Variants in MYCBP observed in about 807,000 individuals in gnomAD.
MYCBP encodes the protein MYC binding protein, also known as C-Myc-binding protein.
Under a neutral mutation model 16.8 loss-of-function variants are expected in MYCBP, and 5 were observed. The ratio of observed to expected loss-of-function variants is 0.30; its 90% CI spans 0.16 to 0.63. MYCBP has a LOEUF of 0.63. MYCBP is among the 20% of genes least tolerant of loss of function. MYCBP has a pLI of 0.83. For synonymous variants in MYCBP, 35 were observed against 43.7 expected (o/e 0.80, Z 0.79); for missense variants, 103 against 121.8 (o/e 0.85, Z 0.73).
rs116600579 is a variant in MYCBP, at chr1:38,873,335, C to G, written c.-30G>C. 3,677 of 1,598,530 alleles carry G rather than the reference C, an allele frequency of 2.3e-3. 81 individuals are homozygous for G. The African/African-American group carries it at 0.044, about 19-fold the overall frequency. The stretch of plus-strand genomic sequence containing the variant: ...ACAGCGGCAGCGGCGTAGCTGGCGC[C>G]GGAGACCGCGACTGGCGGGTTGGGA... On this transcript the variant is annotated 5_prime_UTR_variant, in exon 1 of 5. Transcript: ENST00000397572.
chr1:38,867,456 A>G, intron 3 of MYCBP, 106 bp downstream of exon 3: 1 of 1,065,188 alleles, frequency 9.4e-7, no homozygotes, highest in Non-Finnish European at 1.4e-6. Context: ...CAAAAAAAAA[A>G]AAAAAAAAGT....
chr1:38,873,280 GC>G lies in MYCBP; in HGVS notation c.15+10del. The G allele has an allele frequency of 1.9e-6, 3 of 1,600,940 alleles. No individual in the cohort carries two copies. The stretch of plus-strand genomic sequence containing the variant: ...GCCCGCATGCCCCCAGCCACGCCGC[GC>G]CCCCCTCACTTTGTAATGGGCCATA... On this transcript the variant is annotated intron_variant, in intron 1 of 4. Coordinates refer to ENST00000397572, the MANE Select transcript of MYCBP (RefSeq NM_012333.5).
intron 2 of MYCBP, chr1:38,872,651 G>C (rs932625606): frequency 4.3e-6 from 1 of 233,980 alleles, no homozygotes; most frequent in Non-Finnish European, 8.3e-6. Flanking sequence ...TTTGTTGGAG[G>C]GAAACTTTCT....
Position 38,867,114 on chromosome 1 carries a change from A to G in MYCBP, c.138-105T>C, listed in dbSNP as rs139869136. 1.9e-4 allele frequency: 203 copies of G among 1,074,332 alleles called. No homozygotes were observed. The African/African-American group carries it at 2.8e-3, about 15-fold the overall frequency. The allele number at this position is 1,074,332 out of a possible 1,614,324, so 66.5% of individuals were successfully genotyped here. On this transcript the variant is annotated intron_variant, in intron 3 of 4. Transcript: ENST00000397572. ...ACCAGAGTCACCCACTTTACCACCA[A>G]TATCTACCCAGAGATCACCATCCAA...
chr1:38,870,099 G>A (rs935554546), intron 2 of MYCBP, among the ~76,000 whole-genome samples: 4 of 151,048 alleles, frequency 2.6e-5, no homozygotes, highest in African/African-American at 7.3e-5. Flanking sequence ...GAACCCGGGA[G>A]GCGGAGCTTG....
chr1:38,868,854 C>T (rs895226609), intron 2 of MYCBP, among the ~76,000 whole-genome samples: 2 of 151,952 alleles, frequency 1.3e-5, no homozygotes, highest in Admixed American at 6.5e-5. Context: ...TGCAGTGAGC[C>T]GAGATCGTGC....
At chr1:38,867,732 T>C (rs1268833492) in intron 2 of MYCBP, 122 bp from the exon 3 acceptor site, 1 of 810,204 alleles carries the variant, frequency 1.2e-6, no homozygotes, top group Non-Finnish European at 2.1e-6. Context: ...GCAAAGACTA[T>C]ACAATGCTGA....
At position 38,873,307 on chromosome 1, in the gene MYCBP, G is replaced by T; in HGVS notation, c.-2C>A. ...CCCCCTCACTTTGTAATGGGCCATA[G>T]TGACAGCGGCAGCGGCGTAGCTGGC... On this transcript the variant is annotated 5_prime_UTR_variant, in exon 1 of 5. Coordinates refer to ENST00000397572, the MANE Select transcript of MYCBP (RefSeq NM_012333.5). 6.2e-7 allele frequency: 1 copy of T among 1,602,882 alleles called. No individual in the cohort carries two copies. The highest frequency in any genetic ancestry group is 1.7e-5 in the Admixed American group (1 of 59,848).
At chr1:38,868,920 AAAAC>A (rs879417709) in intron 2 of MYCBP, among the ~76,000 whole-genome samples, 19 of 152,270 alleles carry the variant, frequency 1.2e-4, no homozygotes, top group East Asian at 3.9e-4. Context: ...ACAAAAAAAC[AAAAC>A]AAACAAACAA....
Position 38,866,864 on chromosome 1 carries a change from C to T in MYCBP, c.267+16G>A, listed in dbSNP as rs116910133. 3,134 of 1,478,772 alleles carry T rather than the reference C, an allele frequency of 2.1e-3. 83 individuals are homozygous for T. In the East Asian group the frequency reaches 0.056, roughly 27 times the overall value. 91.6% of individuals were successfully genotyped at this position (1,478,772 alleles called of 1,614,324 possible). Reference sequence around the variant, plus strand: ...AGGTAAAATTATTTGAATATGAATTCTTTTTAAAAATTTACCTTTGCTTTC... The same window carrying T: ...AGGTAAAATTATTTGAATATGAATTTTTTTTAAAAATTTACCTTTGCTTTC... On this transcript the variant is annotated intron_variant, in intron 4 of 4. Coordinates refer to ENST00000397572, the MANE Select transcript of MYCBP (RefSeq NM_012333.5).
intron 1 of MYCBP, 46 bp from the exon 2 acceptor site, chr1:38,873,136 AG>A (rs1642503501): frequency 7.7e-6 from 12 of 1,552,832 alleles, no homozygotes; most frequent in Non-Finnish European, 1.0e-5. Context: ...GGAGCCGAGC[AG>A]GAAGAAGGCG....
intron 2 of MYCBP, 26 bp downstream of exon 2, chr1:38,872,992 G>A: frequency 2.6e-6 from 4 of 1,558,836 alleles, no homozygotes; most frequent in Non-Finnish European, 3.5e-6. Flanking sequence ...GAGGGCACGA[G>A]GTACCCTCTC....
Position 38,864,543 on chromosome 1 carries a change from A to T in MYCBP, c.*127T>A, listed in dbSNP as rs1570879860. The T allele has an allele frequency of 5.3e-6, 5 of 942,324 alleles. No individual in the cohort carries two copies. Among genetic ancestry groups the T allele is most frequent in the African/African-American group, 1.7e-5 (1 of 60,470 alleles). The allele number at this position is 942,324 out of a possible 1,614,324, so 58.4% of individuals were successfully genotyped here. A position where few individuals can be genotyped will look rare whatever the true frequency, so the allele number is the denominator to read the frequency against. The stretch of plus-strand genomic sequence containing the variant: ...TGATGATTCTATGTGTTTTTAACAG[A>T]GTGTGATAGGTGAATTAAACATATT... On this transcript the variant is annotated 3_prime_UTR_variant, in exon 5 of 5. Transcript: ENST00000397572.
chr1:38,867,177 T>C (rs1037639542), intron 3 of MYCBP, among the ~76,000 whole-genome samples, 168 bp from the exon 4 acceptor site: 4 of 152,212 alleles, frequency 2.6e-5, no homozygotes, highest in South Asian at 2.1e-4. Context: ...CCAGGTGCGG[T>C]TGCTCACGCC....
chr1:38,867,288 T>TA (rs1044813555), intron 3 of MYCBP, among the ~76,000 whole-genome samples: 1 of 151,480 alleles, frequency 6.6e-6, no homozygotes, highest in South Asian at 2.1e-4. Flanking sequence ...CTACTAAAAA[T>TA]AAAAAAAATT....
chr1:38,864,983 T>G (rs1270395822), intron 4 of MYCBP, among the ~76,000 whole-genome samples: 1 of 152,218 alleles, frequency 6.6e-6, no homozygotes, highest in Non-Finnish European at 1.5e-5. Context: ...ATACTTGATA[T>G]GCAATAAACT....
Position 38,863,795 on chromosome 1 carries a change from G to A in MYCBP, c.*875C>T, listed in dbSNP as rs918390767. On this transcript the variant is annotated 3_prime_UTR_variant, in exon 5 of 5. Transcript: ENST00000397572. ...AAGGCTAGAAAAATACTTTGAGGGAGAAAAGCACTATATAATTATACCTAC... is the reference window on the plus strand; with the variant it reads ...AAGGCTAGAAAAATACTTTGAGGGAAAAAAGCACTATATAATTATACCTAC... 4 of 152,570 alleles carry A rather than the reference G, an allele frequency of 2.6e-5. No individual in the cohort carries two copies. The highest frequency in any genetic ancestry group is 4.8e-5 in the African/African-American group (2 of 41,436). 9.5% of individuals were successfully genotyped at this position (152,570 alleles called of 1,614,324 possible). A position where few individuals can be genotyped will look rare whatever the true frequency, so the allele number is the denominator to read the frequency against.
intron 1 of MYCBP, 82 bp downstream of exon 1, chr1:38,873,209 G>A (rs1642505942): frequency 6.4e-7 from 1 of 1,571,762 alleles, no homozygotes. Context: ...CCAAACCTGC[G>A]CGCGCGACCC....
At chr1:38,866,044 CTT>C (rs71057153) in intron 4 of MYCBP, among the ~76,000 whole-genome samples, 32 of 65,722 alleles carry the variant, frequency 4.9e-4, no homozygotes, top group African/African-American at 2.3e-3. Flanking sequence ...CTAAGAACCT[CTT>C]TTTTTTTTTT....
Sources: gnomAD v4.1 joint callset for allele counts (sites outside exome capture counted in the v4.1 genomes callset) on GRCh38, gnomAD v4.1.1 for gene constraint, MANE v1.5 for transcripts, NCBI Gene and HGNC (gene_info 2026-07-23, HGNC 2026-07-21) for gene names.